The following DOCK3 variants were observed in gnomAD, a reference collection of about 807,000 sequenced individuals.
The protein encoded by DOCK3 is dedicator of cytokinesis 3.
DOCK3 carries 60 observed loss-of-function variants against 265.6 expected under a neutral mutation model. The observed-to-expected ratio is 0.23, with a 90% confidence interval of 0.18 to 0.28. The LOEUF (loss-of-function observed/expected upper bound fraction) is 0.28, where lower values mean the gene tolerates loss of function less well. DOCK3 is among the 10% of genes least tolerant of loss of function. The pLI is 1.00. For missense variants in DOCK3, 1,981 were observed against 2,594.3 expected (o/e 0.76, Z 5.14); for synonymous variants, 881 against 938.0 (o/e 0.94, Z 1.11).
intron 3 of DOCK3, among the ~76,000 whole-genome samples, chr3:50,866,397 A>G (rs1018429203): frequency 1.3e-5 from 2 of 151,992 alleles, no homozygotes; most frequent in Non-Finnish European, 2.9e-5. Context: ...AGGCAGAAGA[A>G]TCCCTTGAAC....
chr3:51,330,299 C>A, intron 33 of DOCK3, 76 bp downstream of exon 33: 1 of 1,428,522 alleles, frequency 7.0e-7, no homozygotes, highest in Non-Finnish European at 9.6e-7. Context: ...GAGGTTGCAA[C>A]TGCACTGGCA....
intron 2 of DOCK3, among the ~76,000 whole-genome samples, chr3:50,832,350 A>C (rs558288776): frequency 6.6e-6 from 1 of 152,240 alleles, no homozygotes; most frequent in Non-Finnish European, 1.5e-5. Context: ...ACAAAAGCCA[A>C]AATTGACAAA....
At chr3:51,006,738 C>G (rs1303977054) in intron 5 of DOCK3, among the ~76,000 whole-genome samples, 1 of 152,014 alleles carries the variant, frequency 6.6e-6, no homozygotes, top group African/African-American at 2.4e-5. Flanking sequence ...CTCATCATTT[C>G]CATGAGGTAT....
intron 2 of DOCK3, among the ~76,000 whole-genome samples, chr3:50,812,934 C>T (rs2043852552): frequency 6.6e-6 from 1 of 152,186 alleles, no homozygotes; most frequent in African/African-American, 2.4e-5. Flanking sequence ...GGCGCAATTG[C>T]ATGTAGCATC....
At chr3:50,769,695 C>G (rs1001921318) in intron 1 of DOCK3, among the ~76,000 whole-genome samples, 2 of 151,404 alleles carry the variant, frequency 1.3e-5, no homozygotes, top group African/African-American at 4.9e-5. Context: ...GCCTATAATC[C>G]CAGCTACTTG....
At chr3:51,132,555 G>C (rs1410022919) in intron 9 of DOCK3, among the ~76,000 whole-genome samples, 1 of 152,170 alleles carries the variant, frequency 6.6e-6, no homozygotes, top group Non-Finnish European at 1.5e-5. Context: ...CTGAAGCTGG[G>C]AGATGGAATC....
intron 9 of DOCK3, among the ~76,000 whole-genome samples, chr3:51,132,716 G>A (rs542795336): frequency 6.6e-6 from 1 of 152,288 alleles, no homozygotes; most frequent in South Asian, 2.1e-4. Context: ...AATGAAATAT[G>A]CATGCACAGC....
chr3:50,803,827 C>T (rs1427519037), intron 2 of DOCK3, among the ~76,000 whole-genome samples: 2 of 151,244 alleles, frequency 1.3e-5, no homozygotes, highest in African/African-American at 4.9e-5. Flanking sequence ...GGGCAGCTGG[C>T]CGGGTTGGGG....
intron 10 of DOCK3, among the ~76,000 whole-genome samples, chr3:51,150,809 T>C (rs1354748606): frequency 1.3e-5 from 2 of 152,204 alleles, no homozygotes; most frequent in African/African-American, 4.8e-5. Context: ...AGAATGTATA[T>C]TCTGTTGATT....
At chr3:51,083,707 G>A (rs1440097386) in intron 7 of DOCK3, among the ~76,000 whole-genome samples, 1 of 152,210 alleles carries the variant, frequency 6.6e-6, no homozygotes, top group African/African-American at 2.4e-5. Flanking sequence ...TTCTGGCCAA[G>A]CGCAGTGGCT....
At chr3:50,884,574 A>T (rs1268119515) in intron 3 of DOCK3, among the ~76,000 whole-genome samples, 1 of 151,726 alleles carries the variant, frequency 6.6e-6, no homozygotes. Context: ...TCTCTTGTCA[A>T]TTTTTTTCTT....
At chr3:51,057,401 G>C (rs182069597) in intron 5 of DOCK3, among the ~76,000 whole-genome samples, 22 of 152,324 alleles carry the variant, frequency 1.4e-4, no homozygotes, top group Admixed American at 2.6e-4. Flanking sequence ...GAGCTATACA[G>C]ATTTCTTCTG....
At chr3:51,252,352 C>G (rs958949893) in intron 22 of DOCK3, among the ~76,000 whole-genome samples, 1 of 152,134 alleles carries the variant, frequency 6.6e-6, no homozygotes, top group Admixed American at 6.6e-5. Context: ...CAGGCTCTTT[C>G]TTGGTTCCAT....
At chr3:51,266,662 A>G (rs2080188403) in intron 23 of DOCK3, among the ~76,000 whole-genome samples, 1 of 152,226 alleles carries the variant, frequency 6.6e-6, no homozygotes, top group Non-Finnish European at 1.5e-5. Context: ...CTTACACCTT[A>G]TACAAAAATT....
intron 27 of DOCK3, among the ~76,000 whole-genome samples, chr3:51,301,104 T>C (rs2082337806): frequency 6.6e-6 from 1 of 152,206 alleles, no homozygotes; most frequent in Non-Finnish European, 1.5e-5. Context: ...TGTTCAGGGA[T>C]TCAACTTCTT....
chr3:51,041,162 G>GTA lies in DOCK3; in HGVS notation c.316-23244_316-23243dup, dbSNP rs1167854334. On this transcript the variant is annotated intron_variant, in intron 5 of 52. Transcript: ENST00000266037. ...TATGGCACCTACAGCCTTACAAAAT[G>GTA]TATATATATATATATATATATATAT... Among the ~76,000 whole-genome samples, 187 of 30,868 alleles carry GTA rather than the reference G, an allele frequency of 6.1e-3. 2 individuals carry two copies. Among genetic ancestry groups the GTA allele is most frequent in the East Asian group, 0.013 (8 of 624 alleles). 20.3% of individuals were successfully genotyped at this position (30,868 alleles called of 152,430 possible). A position where few individuals can be genotyped will look rare whatever the true frequency, so the allele number is the denominator to read the frequency against.
chr3:51,323,038 A>G (rs1477776789), intron 32 of DOCK3, among the ~76,000 whole-genome samples: 2 of 152,218 alleles, frequency 1.3e-5, no homozygotes, highest in Non-Finnish European at 2.9e-5. Context: ...AACAAAGACC[A>G]AAAGAGACAA....
intron 1 of DOCK3, among the ~76,000 whole-genome samples, chr3:50,764,675 GAC>G (rs1286088888): frequency 6.6e-6 from 1 of 152,138 alleles, no homozygotes; most frequent in African/African-American, 2.4e-5. Context: ...TCAGTATGAT[GAC>G]ACATACCTGT....
In DOCK3 at chr3:51,312,587, C is replaced by T. The variant is rs2083137583; in HGVS notation, c.3194+11C>T. 3.2e-6 allele frequency: 5 copies of T among 1,568,400 alleles called. No homozygotes were observed. Among genetic ancestry groups the T allele is most frequent in the Non-Finnish European group, 4.3e-6 (5 of 1,163,022 alleles). ...GAAGATTCTAGATAAGTAAGATAAA[C>T]GTCTTATATTCATCTCCTTACCACT... On this transcript the variant is annotated intron_variant, in intron 30 of 52. Coordinates refer to ENST00000266037, the MANE Select transcript of DOCK3 (RefSeq NM_004947.5).
Sources: gnomAD v4.1 joint callset for allele counts (sites outside exome capture counted in the v4.1 genomes callset) on GRCh38, gnomAD v4.1.1 for gene constraint, MANE v1.5 for transcripts, NCBI Gene and HGNC (gene_info 2026-07-23, HGNC 2026-07-21) for gene names.